The following DPH6 variants were observed in gnomAD, a reference collection of about 807,000 sequenced individuals.
DPH6 encodes the protein diphthamine biosynthesis 6, also known as diphthine--ammonia ligase.
Under a neutral mutation model 38.2 loss-of-function variants are expected in DPH6, and 33 were observed. The observed-to-expected ratio is 0.86, with a 90% confidence interval of 0.65 to 1.15. DPH6 has a LOEUF of 1.15. Among genes scored for constraint, DPH6 ranks in the 50% most tolerant of loss-of-function variants. The pLI, the probability that DPH6 is intolerant of heterozygous loss-of-function variation, is 0.00. For missense variants in DPH6, 325 were observed against 320.0 expected, an observed-to-expected ratio of 1.02 and a Z score of -0.12; for synonymous variants, 108 against 103.0, an observed-to-expected ratio of 1.05 and a Z score of -0.30.
intron 5 of DPH6, among the ~76,000 whole-genome samples, chr15:35,411,154 C>T (rs939093921): frequency 6.6e-6 from 1 of 151,512 alleles, no homozygotes; most frequent in Admixed American, 6.6e-5. Context: ...TGTTTCAATT[C>T]CTTTATCCAT....
intron 3 of DPH6, among the ~76,000 whole-genome samples, chr15:35,457,671 A>T (rs922100010): frequency 2.0e-5 from 3 of 152,168 alleles, no homozygotes; most frequent in African/African-American, 7.2e-5. Flanking sequence ...ATGTTACTGA[A>T]TTTCTCTGTG....
At chr15:35,341,574 G>A (rs756382062) in intron 3 of DPH6, among the ~76,000 whole-genome samples, 1 of 152,072 alleles carries the variant, frequency 6.6e-6, no homozygotes, top group Non-Finnish European at 1.5e-5. Context: ...TGTTGATGTT[G>A]TTTTTTCTGT....
chr15:35,227,644 A>AT (rs551966972), intron 3 of DPH6, among the ~76,000 whole-genome samples: 127 of 144,606 alleles, frequency 8.8e-4, no homozygotes, highest in East Asian at 1.6e-3. Flanking sequence ...TTCTGTTCTG[A>AT]TTTTTTTTTT....
At chr15:35,476,600 C>T (rs2054266418) in intron 3 of DPH6, among the ~76,000 whole-genome samples, 1 of 151,622 alleles carries the variant, frequency 6.6e-6, no homozygotes, top group Admixed American at 6.6e-5. Context: ...TTTGTTGCTG[C>T]TACATTATAG....
intron 3 of DPH6, among the ~76,000 whole-genome samples, chr15:35,296,837 G>C (rs895226103): frequency 1.9e-5 from 2 of 104,602 alleles, no homozygotes; most frequent in Non-Finnish European, 3.3e-5. Flanking sequence ...TCGCTCTGTC[G>C]CCCAGGCCGG....
At chr15:35,472,467 G>A (rs952968716) in intron 3 of DPH6, among the ~76,000 whole-genome samples, 4 of 152,030 alleles carry the variant, frequency 2.6e-5, no homozygotes, top group African/African-American at 9.7e-5. Flanking sequence ...TCCCTTCCTT[G>A]TGCCCTCCAA....
At chr15:35,544,207 T>G (rs562833709) in intron 1 of DPH6, among the ~76,000 whole-genome samples, 1 of 152,274 alleles carries the variant, frequency 6.6e-6, no homozygotes, top group East Asian at 1.9e-4. Context: ...CATACTTCAT[T>G]GCAAATTAAT....
chr15:35,345,349 T>C (rs1001412306), intron 3 of DPH6, among the ~76,000 whole-genome samples: 6 of 152,010 alleles, frequency 3.9e-5, no homozygotes, highest in African/African-American at 1.4e-4. Flanking sequence ...CCCTAATTTA[T>C]ACATTTATTT....
At chr15:35,446,329 C>G (rs1250238782) in intron 5 of DPH6, among the ~76,000 whole-genome samples, 1 of 148,138 alleles carries the variant, frequency 6.8e-6, no homozygotes, top group Non-Finnish European at 1.5e-5. Flanking sequence ...TTCCCAGGCT[C>G]AAGTGATTTT....
At chr15:35,496,579 T>C (rs1370364600) in intron 3 of DPH6, among the ~76,000 whole-genome samples, 1 of 95,714 alleles carries the variant, frequency 1.0e-5, no homozygotes, top group Non-Finnish European at 1.9e-5. Flanking sequence ...TATATATATA[T>C]ATATATATAT....
intron 4 of DPH6, among the ~76,000 whole-genome samples, chr15:35,452,113 T>C (rs1204464702): frequency 1.3e-5 from 2 of 151,788 alleles, no homozygotes; most frequent in African/African-American, 2.4e-5. Flanking sequence ...TCACCCTGTT[T>C]AGTTCCTGCA....
chr15:35,352,505 C>T (rs528831639), intron 3 of DPH6, among the ~76,000 whole-genome samples: 91 of 152,266 alleles, frequency 6.0e-4, no homozygotes, highest in Non-Finnish European at 1.2e-3. Context: ...TGTTCAATTC[C>T]CACCTATGAG....
At chr15:35,308,170 G>A (rs1284015355) in intron 3 of DPH6, among the ~76,000 whole-genome samples, 1 of 152,090 alleles carries the variant, frequency 6.6e-6, no homozygotes, top group Admixed American at 6.6e-5. Context: ...TCAGGAAGGT[G>A]AGGTGGGAGA....
intron 3 of DPH6, among the ~76,000 whole-genome samples, chr15:35,462,797 C>T (rs1356862590): frequency 6.6e-6 from 1 of 152,052 alleles, no homozygotes; most frequent in Non-Finnish European, 1.5e-5. Context: ...GTCCCGTTCC[C>T]ACTGTAATCT....
chr15:35,448,622 T>C (rs535486188), intron 5 of DPH6, among the ~76,000 whole-genome samples: 2 of 152,240 alleles, frequency 1.3e-5, no homozygotes, highest in South Asian at 2.1e-4. Flanking sequence ...AGTGCCAAAC[T>C]GGATACTACC....
intron 6 of DPH6, among the ~76,000 whole-genome samples, chr15:35,384,214 A>G (rs2052911409): frequency 6.6e-6 from 1 of 152,208 alleles, no homozygotes; most frequent in Admixed American, 6.5e-5. Context: ...AAGCTTCTCT[A>G]TCAGTATCAT....
chr15:35,323,767 G>T (rs1321851978), intron 3 of DPH6, among the ~76,000 whole-genome samples: 1 of 152,230 alleles, frequency 6.6e-6, no homozygotes, highest in South Asian at 2.1e-4. Flanking sequence ...TGCAGCACAA[G>T]AATTCATCCA....
chr15:35,263,774 C>T (rs933507830), intron 3 of DPH6, among the ~76,000 whole-genome samples: 2 of 151,630 alleles, frequency 1.3e-5, no homozygotes, highest in Non-Finnish European at 2.9e-5. Context: ...TGCAGTGGAG[C>T]GATCTCTGCT....
At chr15:35,273,795 G>C (rs1328521942) in intron 3 of DPH6, among the ~76,000 whole-genome samples, 1 of 152,208 alleles carries the variant, frequency 6.6e-6, no homozygotes, top group African/African-American at 2.4e-5. Flanking sequence ...CTCATGGATA[G>C]GAAGAATCAA....
Sources: gnomAD v4.1 joint callset for allele counts (sites outside exome capture counted in the v4.1 genomes callset) on GRCh38, gnomAD v4.1.1 for gene constraint, MANE v1.5 for transcripts, NCBI Gene and HGNC (gene_info 2026-07-23, HGNC 2026-07-21) for gene names.